The following TATDN1 variants were observed in gnomAD, a reference collection of about 807,000 sequenced individuals.
TATDN1 encodes deoxyribonuclease TATDN1.
In TATDN1, 40 loss-of-function variants were observed where a neutral mutation model predicts 46.4. The ratio of observed to expected loss-of-function variants is 0.86; its 90% CI spans 0.67 to 1.12. The LOEUF is 1.12. Among genes scored for constraint, TATDN1 ranks in the 50% most tolerant of loss-of-function variants. TATDN1 has a pLI of 0.00. For missense variants in TATDN1, 326 were observed against 348.4 expected (o/e 0.94, Z 0.51); for synonymous variants, 95 against 105.6 (o/e 0.90, Z 0.62).
intron 1 of TATDN1, among the ~76,000 whole-genome samples, chr8:124,534,959 G>A (rs1821302568): frequency 6.6e-6 from 1 of 152,250 alleles, no homozygotes; most frequent in South Asian, 2.1e-4. Flanking sequence ...CCAGGTGGAA[G>A]AGACACATAG....
chr8:124,517,108 A>G (rs1287708725), intron 4 of TATDN1, among the ~76,000 whole-genome samples: 2 of 152,226 alleles, frequency 1.3e-5, no homozygotes, highest in African/African-American at 4.8e-5. Context: ...AACTCCCTGG[A>G]AGATAGTCTA....
chr8:124,504,490 T>C, intron 8 of TATDN1, 143 bp from the exon 9 acceptor site: 1 of 443,278 alleles, frequency 2.3e-6, no homozygotes, highest in Admixed American at 4.2e-5. Flanking sequence ...GTCGCTATAA[T>C]TTTTATTTTC....
chr8:124,529,030 G>C (rs1820736506), intron 1 of TATDN1, among the ~76,000 whole-genome samples: 1 of 152,190 alleles, frequency 6.6e-6, no homozygotes, highest in South Asian at 2.1e-4. Context: ...CGGACACCTG[G>C]GTTGCTTGGC....
At chr8:124,534,961 G>A (rs1821303093) in intron 1 of TATDN1, among the ~76,000 whole-genome samples, 1 of 152,202 alleles carries the variant, frequency 6.6e-6, no homozygotes, top group South Asian at 2.1e-4. Context: ...AGGTGGAAGA[G>A]ACACATAGAG....
In TATDN1 at chr8:124,494,028, A is replaced by G. The variant is rs10481075; in HGVS notation, c.665-69T>C. ...AAAAATTTTTTATGACCATTATCTA[A>G]TATATAACCTCTAAATGATAAACCG... On this transcript the variant is annotated intron_variant, in intron 10 of 11. Transcript: ENST00000276692. The G allele has an allele frequency of 3.5e-4, 499 of 1,415,468 alleles. 2 individuals are homozygous for G. In the African/African-American group the frequency reaches 5.6e-3, roughly 16 times the overall value. The allele number at this position is 1,415,468 out of a possible 1,614,324, so 87.7% of individuals were successfully genotyped here.
At chr8:124,502,297 C>T (rs1415052396) in intron 9 of TATDN1, among the ~76,000 whole-genome samples, 2 of 149,572 alleles carry the variant, frequency 1.3e-5, no homozygotes, top group African/African-American at 5.0e-5. Context: ...GCCAAGATCG[C>T]GCCACTGCAC....
At chr8:124,537,340 G>A (rs1438635278) in intron 1 of TATDN1, among the ~76,000 whole-genome samples, 1 of 152,182 alleles carries the variant, frequency 6.6e-6, no homozygotes, top group Non-Finnish European at 1.5e-5. Context: ...GTAGTTGGTA[G>A]GCAGAGGAAT....
intron 9 of TATDN1, among the ~76,000 whole-genome samples, 168 bp from the exon 10 acceptor site, chr8:124,495,710 T>G (rs1219656229): frequency 6.6e-6 from 1 of 152,230 alleles, no homozygotes; most frequent in Non-Finnish European, 1.5e-5. Flanking sequence ...ACAATCCAGA[T>G]TAACATCTAT....
intron 9 of TATDN1, among the ~76,000 whole-genome samples, chr8:124,497,612 T>C (rs1817586575): frequency 6.6e-6 from 1 of 152,124 alleles, no homozygotes; most frequent in African/African-American, 2.4e-5. Context: ...TTATAGAAGA[T>C]CTCGAGTACC....
chr8:124,533,264 C>T (rs978581383), intron 1 of TATDN1, among the ~76,000 whole-genome samples: 4 of 145,658 alleles, frequency 2.7e-5, no homozygotes, highest in African/African-American at 1.0e-4. Flanking sequence ...AAAAAAAAAA[C>T]GCAAAATGGT....
At chr8:124,526,404 T>C (rs1327299051) in intron 1 of TATDN1, among the ~76,000 whole-genome samples, 2 of 152,214 alleles carry the variant, frequency 1.3e-5, no homozygotes, top group East Asian at 1.9e-4. Context: ...TCAAACAAAC[T>C]AGACAAATAC....
chr8:124,535,045 T>C (rs1412069286), intron 1 of TATDN1, among the ~76,000 whole-genome samples: 3 of 152,192 alleles, frequency 2.0e-5, no homozygotes, highest in Non-Finnish European at 2.9e-5. Flanking sequence ...AGTGAACAAC[T>C]CAACCTTCAG....
At chr8:124,514,976 G>C (rs1342573986) in intron 6 of TATDN1, among the ~76,000 whole-genome samples, 1 of 152,138 alleles carries the variant, frequency 6.6e-6, no homozygotes, top group African/African-American at 2.4e-5. Flanking sequence ...TTTTTTTAGA[G>C]ACGGAGTCTC....
At chr8:124,528,505 T>C (rs1820697256) in intron 1 of TATDN1, among the ~76,000 whole-genome samples, 1 of 152,034 alleles carries the variant, frequency 6.6e-6, no homozygotes, top group Admixed American at 6.5e-5. Context: ...GAAGTACTTA[T>C]GTAACAGGAG....
intron 6 of TATDN1, among the ~76,000 whole-genome samples, chr8:124,514,666 C>T (rs1014232395): frequency 9.9e-5 from 15 of 152,122 alleles, no homozygotes; most frequent in Admixed American, 9.8e-4. Context: ...TTTTGAAATT[C>T]AACAAAATGC....
At chr8:124,533,265 G>A (rs576180632) in intron 1 of TATDN1, among the ~76,000 whole-genome samples, 52 of 149,638 alleles carry the variant, frequency 3.5e-4, no homozygotes, top group African/African-American at 1.2e-3. Context: ...AAAAAAAAAC[G>A]CAAAATGGTA....
chr8:124,514,750 G>GGAGCTCCAAATT (rs1470607974), intron 6 of TATDN1, among the ~76,000 whole-genome samples: 7 of 152,204 alleles, frequency 4.6e-5, no homozygotes, highest in Admixed American at 2.6e-4. Flanking sequence ...TATGATGACA[G>GGAGCTCCAAATT]GAGCTCCAAA....
intron 11 of TATDN1, among the ~76,000 whole-genome samples, chr8:124,490,883 A>G (rs940437364): frequency 1.9e-4 from 29 of 152,076 alleles, no homozygotes; most frequent in Admixed American, 1.2e-3. Context: ...CTCAGATTCA[A>G]GTGATTCTCC....
rs752400415 is a variant in TATDN1, at chr8:124,518,890, G to GA, written c.139-10dup. On this transcript the variant is annotated splice_polypyrimidine_tract_variant and intron_variant, in intron 3 of 11. Coordinates refer to ENST00000276692, the MANE Select transcript of TATDN1 (RefSeq NM_032026.4). Reference sequence around the variant, plus strand: ...CCACCTGTAATCATAAACTGAAATAGAAAGAAAATAAAATAAGCTGACTTT... The same window carrying GA: ...CCACCTGTAATCATAAACTGAAATAGAAAAGAAAATAAAATAAGCTGACTTT... 4 of 1,589,786 alleles carry GA rather than the reference G, an allele frequency of 2.5e-6. No individual in the cohort carries two copies. Among genetic ancestry groups the GA allele is most frequent in the Non-Finnish European group, 3.4e-6 (4 of 1,162,756 alleles).
Sources: allele counts gnomAD v4.1 joint callset (sites outside exome capture counted in the v4.1 genomes callset), GRCh38; gene constraint gnomAD v4.1.1; transcripts MANE v1.5; gene names NCBI Gene and HGNC (gene_info 2026-07-23, HGNC 2026-07-21).